Variants in AMZ1 observed in about 807,000 individuals in gnomAD.
AMZ1 encodes archaemetzincin-1.
A neutral mutation model predicts 29.9 loss-of-function variants in AMZ1; 39 were observed. The observed-to-expected ratio is 1.30, with a 90% CI of 1.01 to 1.70. The LOEUF (loss-of-function observed/expected upper bound fraction) is 1.70. AMZ1 is among the 40% of genes most tolerant of loss of function. AMZ1 has a pLI of 0.00. For synonymous variants in AMZ1, 458 were observed against 304.0 expected (o/e 1.51, Z -5.27); for missense variants, 1,041 against 680.6 (o/e 1.53, Z -5.89).
At chr7:2,702,910 C>T (rs887202470) in intron 3 of AMZ1, 21 bp downstream of exon 3, 3 of 1,571,538 alleles carry the variant, frequency 1.9e-6, no homozygotes, top group Non-Finnish European at 2.6e-6. Context: ...ACGGCAGCCG[C>T]CGCTCAGGCC....
At chr7:2,762,630 G>T, upstream of AMZ1, 7 of 1,577,956 alleles carry the variant, frequency 4.4e-6, no homozygotes, top group Non-Finnish European at 6.0e-6. Context: ...AGACCCCAAT[G>T]CCATGAAGCA....
At chr7:2,724,811 C>A (rs767539444) in intron 4 of AMZ1, among the ~76,000 whole-genome samples, 3 of 152,186 alleles carry the variant, frequency 2.0e-5, no homozygotes, top group Non-Finnish European at 4.4e-5. Context: ...AGCCACGTGC[C>A]GAGGCTGCCG....
chr7:2,689,372 G>A (rs1044491746), intron 1 of AMZ1, among the ~76,000 whole-genome samples: 9 of 151,778 alleles, frequency 5.9e-5, no homozygotes, highest in African/African-American at 2.2e-4. Context: ...AACCTCCCTG[G>A]GGGGGGGATG....
At chr7:2,710,280 C>T (rs1788687457) in intron 6 of AMZ1, among the ~76,000 whole-genome samples, 1 of 152,220 alleles carries the variant, frequency 6.6e-6, no homozygotes, top group Non-Finnish European at 1.5e-5. Context: ...CCCTCTGTCG[C>T]CTGGGTGGGG....
At chr7:2,727,617 T>G (rs1309950670) in intron 4 of AMZ1, among the ~76,000 whole-genome samples, 1 of 152,222 alleles carries the variant, frequency 6.6e-6, no homozygotes, top group Non-Finnish European at 1.5e-5. Flanking sequence ...TTCTCCCACC[T>G]TGGCCTCCCA....
At chr7:2,745,754 T>C (rs1790734395) in intron 4 of AMZ1, among the ~76,000 whole-genome samples, 1 of 152,180 alleles carries the variant, frequency 6.6e-6, no homozygotes, top group Non-Finnish European at 1.5e-5. Context: ...GACCCATCAG[T>C]GTGCTGTATT....
chr7:2,712,846 G>GC lies in AMZ1; in HGVS notation c.1471dup (p.Arg491ProfsTer57). On this transcript the variant is annotated frameshift_variant, in exon 7 of 7. Transcript: ENST00000683327. LOFTEE classifies it high-confidence loss of function. ...CCGAAAACTCGCCAGAGCAGAGTCG[G>GC]CCCCCCGTCCCTGGGATGGGGAAGA... 6.6e-7 allele frequency: 1 copy of GC among 1,525,810 alleles called. No individual in the cohort carries two copies. 94.5% of individuals were successfully genotyped at this position (1,525,810 alleles called of 1,614,324 possible). A position where few individuals can be genotyped will look rare whatever the true frequency, so the allele number is the denominator to read the frequency against.
Position 2,700,533 on chromosome 7 carries a change from C to T in AMZ1, c.82C>T (p.Leu28=), listed in dbSNP as rs1236481216. 2 of 1,608,828 alleles carry T rather than the reference C, an allele frequency of 1.2e-6. No homozygotes were observed. Among genetic ancestry groups the T allele is most frequent in the Non-Finnish European group, 1.7e-6 (2 of 1,179,934 alleles). ...CGCTCTGGTCTCCACTGACGCAGCC[C>T]TGCAGCAGCTGTATGTGTCCGCCTT... ...KDALVSTDAA[L]QQLYVSAFSP... Residue 28 remains leucine, a synonymous_variant, in exon 2 of 7, where the codon CTG becomes TTG. Transcript: ENST00000683327.
chr7:2,764,861 T>C (rs919082052), exon 1 of AMZ1: 3 of 152,220 alleles, frequency 2.0e-5, no homozygotes, highest in African/African-American at 4.8e-5. Flanking sequence ...GTCCTCTTAG[T>C]GAATGAGGTC....
chr7:2,690,618 C>T (rs901722239), intron 1 of AMZ1, among the ~76,000 whole-genome samples: 15 of 152,114 alleles, frequency 9.9e-5, no homozygotes, highest in African/African-American at 3.6e-4. Flanking sequence ...TGTAGATGCT[C>T]TTGAGTTACC....
chr7:2,712,685 A>G lies in AMZ1; in HGVS notation c.1304A>G (p.Asp435Gly). ...EDLVQVDRAVDALDRWEMFTG... is the reference protein window; with the variant it reads ...EDLVQVDRAVGALDRWEMFTG... ...CTGGTGCAGGTGGACAGAGCCGTGGACGCCCTCGACCGCTGGGAGATGTTC... is the reference window on the plus strand; with the variant it reads ...CTGGTGCAGGTGGACAGAGCCGTGGGCGCCCTCGACCGCTGGGAGATGTTC... The change falls in exon 7 of 7, where the codon GAC (aspartate) becomes GGC (glycine). Residue 435 changes from aspartate (D) to glycine (G), a missense_variant. By Grantham distance (94) the Asp-to-Gly change is moderately conservative. Transcript: ENST00000683327. 6.2e-7 allele frequency: 1 copy of G among 1,612,648 alleles called. No individual in the cohort carries two copies. The highest frequency in any genetic ancestry group is 1.1e-5 in the South Asian group (1 of 90,992).
At chr7:2,765,091 C>T (rs559853326) in intron 1 of AMZ1, 23 of 152,196 alleles carry the variant, frequency 1.5e-4, no homozygotes, top group African/African-American at 5.3e-4. Context: ...AAATTTTAAT[C>T]CTTGACATTC....
At chr7:2,736,200 G>A (rs1356746436) in intron 4 of AMZ1, among the ~76,000 whole-genome samples, 5 of 152,142 alleles carry the variant, frequency 3.3e-5, no homozygotes, top group East Asian at 3.9e-4. Context: ...GAAATTAACC[G>A]CTTGGTGGGT....
At chr7:2,759,532 G>A (rs1005028774) in intron 4 of AMZ1, among the ~76,000 whole-genome samples, 2 of 152,186 alleles carry the variant, frequency 1.3e-5, no homozygotes, top group African/African-American at 2.4e-5. Context: ...AAAAGGAAAG[G>A]AATAATTAGC....
chr7:2,690,922 C>T (rs1221463532), intron 1 of AMZ1, among the ~76,000 whole-genome samples: 1 of 152,024 alleles, frequency 6.6e-6, no homozygotes, highest in Non-Finnish European at 1.5e-5. Flanking sequence ...AGGCAGACCA[C>T]TTGAGGCCAG....
intron 4 of AMZ1, among the ~76,000 whole-genome samples, chr7:2,755,418 T>C (rs960748582): frequency 7.2e-5 from 11 of 152,178 alleles, no homozygotes; most frequent in African/African-American, 2.7e-4. Flanking sequence ...AGATCTCATT[T>C]CTTGAGTGTT....
chr7:2,684,659 C>T (rs1457814593), upstream of AMZ1, among the ~76,000 whole-genome samples: 2 of 152,170 alleles, frequency 1.3e-5, no homozygotes, highest in Non-Finnish European at 1.5e-5. Context: ...GTCCCGGGTG[C>T]AGTGTGGACA....
chr7:2,697,257 C>T (rs570427039), intron 1 of AMZ1, among the ~76,000 whole-genome samples: 19 of 152,130 alleles, frequency 1.2e-4, no homozygotes, highest in Middle Eastern at 3.4e-3. Context: ...TCACCACGCC[C>T]GGCTAATTTT....
Position 2,718,087 on chromosome 7 carries a change from A to G in AMZ1, c.*5209A>G, listed in dbSNP as rs1789235485. Among the ~76,000 whole-genome samples the G allele has an allele frequency of 6.6e-6, 1 of 152,158 alleles. No homozygotes were observed. Reference sequence around the variant, plus strand: ...TCTGAGAGGGGCCCGAGCTCTCGCAAGATTAACCAGAGACGACACCTACCA... The same window carrying G: ...TCTGAGAGGGGCCCGAGCTCTCGCAGGATTAACCAGAGACGACACCTACCA... On this transcript the variant is annotated 3_prime_UTR_variant, in exon 7 of 7. Coordinates refer to ENST00000683327, the MANE Select transcript of AMZ1 (RefSeq NM_001384743.1).
Sources: allele counts gnomAD v4.1 joint callset (sites outside exome capture counted in the v4.1 genomes callset), GRCh38; gene constraint gnomAD v4.1.1; transcripts MANE v1.5; gene names NCBI Gene and HGNC (gene_info 2026-07-23, HGNC 2026-07-21).